STRN: variants seen among roughly 807,000 people sequenced by gnomAD.
STRN encodes striatin.
STRN carries 53 observed loss-of-function variants against 96.3 expected under a neutral mutation model. That is an observed-to-expected ratio of 0.55 (90% CI 0.44 to 0.69). STRN has a LOEUF of 0.69. Among genes scored for constraint, STRN ranks in the 30% least tolerant of loss-of-function variants. The probability of loss-of-function intolerance (pLI) is 0.00; values close to 1 mark genes in which losing one functional copy is unlikely to be tolerated. For synonymous variants in STRN, 428 were observed against 355.9 expected (o/e 1.20, Z -2.28); for missense variants, 987 against 963.9 (o/e 1.02, Z -0.32).
At chr2:36,941,808 C>T (rs1558662809) in intron 1 of STRN, among the ~76,000 whole-genome samples, 1 of 151,950 alleles carries the variant, frequency 6.6e-6, no homozygotes, top group Non-Finnish European at 1.5e-5. Flanking sequence ...CAACCTCGGC[C>T]TCCCAAAGTG....
intron 9 of STRN, among the ~76,000 whole-genome samples, chr2:36,883,122 T>C: frequency 6.6e-6 from 1 of 152,272 alleles, no homozygotes; most frequent in East Asian, 1.9e-4. Flanking sequence ...GAATAATGCA[T>C]ATTTTTATAT....
rs573117939 is a variant in STRN at position 36,891,054 on chromosome 2, C to A, written c.931+2844G>T. On this transcript the variant is annotated intron_variant, in intron 7 of 17. Transcript: ENST00000263918. ...TGTACTATACTGGTTCAGCACCCCC[C>A]AATCCAAAAATCCAAAATCCAAAAT... Among the ~76,000 whole-genome samples, 65 of 152,256 alleles carry A rather than the reference C, an allele frequency of 4.3e-4. No individual in the cohort carries two copies. In the South Asian group the frequency reaches 0.013, roughly 30 times the overall value.
At chr2:36,903,057 G>A in intron 4 of STRN, 1 of 173,362 alleles carries the variant, frequency 5.8e-6, no homozygotes. Context: ...GGCTGGATTG[G>A]AGCTAGACTA....
intron 6 of STRN, among the ~76,000 whole-genome samples, chr2:36,897,572 A>G (rs1424542008): frequency 2.0e-5 from 3 of 151,012 alleles, no homozygotes; most frequent in Non-Finnish European, 2.9e-5. Flanking sequence ...AGTAGCTGGG[A>G]CTACAGGCAC....
intron 9 of STRN, among the ~76,000 whole-genome samples, chr2:36,878,847 G>A (rs1382138008): frequency 1.3e-5 from 2 of 151,870 alleles, no homozygotes; most frequent in African/African-American, 4.8e-5. Context: ...CCACCTCCTG[G>A]GTTCAAGAAA....
chr2:36,940,674 A>T (rs893673703), intron 1 of STRN, among the ~76,000 whole-genome samples: 1 of 151,794 alleles, frequency 6.6e-6, no homozygotes, highest in Non-Finnish European at 1.5e-5. Context: ...AAAAATAAAA[A>T]TAAAAATAAA....
In STRN at chr2:36,844,325, G is replaced by A. The variant is rs1203767800; in HGVS notation, c.*5131C>T. On this transcript the variant is annotated 3_prime_UTR_variant, in exon 18 of 18. Coordinates refer to ENST00000263918, the MANE Select transcript of STRN (RefSeq NM_003162.4). ...GTAGACCAAAGACTTTCTGATTGCT[G>A]ATAATAACAAATTTAGCAGCTCTCT... 6.6e-6 allele frequency: 1 copy of A among 152,074 alleles called. No homozygotes were observed. The highest frequency in any genetic ancestry group is 1.9e-4 in the East Asian group (1 of 5,198). The allele number at this position is 152,074 out of a possible 1,614,324, so 9.4% of individuals were successfully genotyped here.
chr2:36,956,642 G>C (rs964115710), intron 1 of STRN, among the ~76,000 whole-genome samples: 5 of 152,182 alleles, frequency 3.3e-5, no homozygotes, highest in African/African-American at 7.2e-5. Flanking sequence ...ACCTTTCATT[G>C]ACTGCATAGC....
At chr2:36,931,541 C>T (rs185306259) in intron 1 of STRN, among the ~76,000 whole-genome samples, 1 of 152,254 alleles carries the variant, frequency 6.6e-6, no homozygotes, top group Non-Finnish European at 1.5e-5. Context: ...GTTCATTTAA[C>T]AATATTAACT....
intron 1 of STRN, among the ~76,000 whole-genome samples, chr2:36,961,498 T>C (rs989208383): frequency 5.3e-5 from 8 of 152,178 alleles, no homozygotes; most frequent in Non-Finnish European, 1.0e-4. Flanking sequence ...TTAGCACATC[T>C]TGTTGGCTCT....
At chr2:36,939,379 TG>T (rs1670788696) in intron 1 of STRN, among the ~76,000 whole-genome samples, 1 of 151,322 alleles carries the variant, frequency 6.6e-6, no homozygotes, top group South Asian at 2.1e-4. Context: ...TAATTAGACG[TG>T]ATGATAATAT....
chr2:36,855,939 T>C (rs1210012938), intron 14 of STRN, among the ~76,000 whole-genome samples: 1 of 152,024 alleles, frequency 6.6e-6, no homozygotes, highest in Non-Finnish European at 1.5e-5. Context: ...GAAGGAAACA[T>C]ATAAAGTGAA....
At chr2:36,900,930 G>C (rs1383887404) in intron 5 of STRN, among the ~76,000 whole-genome samples, 1 of 150,394 alleles carries the variant, frequency 6.6e-6, no homozygotes, top group Admixed American at 6.6e-5. Context: ...ATTTAGTAAA[G>C]ATTCCAATGG....
chr2:36,955,742 G>C (rs1260218340), intron 1 of STRN, among the ~76,000 whole-genome samples: 1 of 152,124 alleles, frequency 6.6e-6, no homozygotes, highest in African/African-American at 2.4e-5. Flanking sequence ...ACAACTCACT[G>C]TCCTCAAACC....
At chr2:36,882,558 G>A (rs556371230) in intron 9 of STRN, among the ~76,000 whole-genome samples, 2 of 152,110 alleles carry the variant, frequency 1.3e-5, no homozygotes, top group Non-Finnish European at 2.9e-5. Flanking sequence ...CTTGAGCCCA[G>A]GAGTTTGAGA....
chr2:36,890,502 G>C (rs1378775567), intron 7 of STRN, among the ~76,000 whole-genome samples: 1 of 21,898 alleles, frequency 4.6e-5, no homozygotes, highest in Non-Finnish European at 9.0e-5. Context: ...TTTTTTTTTT[G>C]AGACAGAGTC....
chr2:36,849,387 C>T lies in STRN; in HGVS notation c.*69G>A, dbSNP rs979685225. On this transcript the variant is annotated 3_prime_UTR_variant, in exon 18 of 18. Transcript: ENST00000263918. ...GGCAGGACGAGATGATTCTTGCCCT[C>T]GTCTTCTGTATCTCTTGTGTGCAGT... The T allele has an allele frequency of 2.3e-5, 36 of 1,548,120 alleles. No homozygotes were observed. Among genetic ancestry groups the T allele is most frequent in the South Asian group, 3.5e-5 (3 of 85,212 alleles).
At chr2:36,857,730 C>A in intron 14 of STRN, 126 bp downstream of exon 14, 1 of 780,102 alleles carries the variant, frequency 1.3e-6, no homozygotes. Context: ...AACAAATACA[C>A]TTTCGTGGCT....
chr2:36,945,871 C>T (rs1466096733), intron 1 of STRN, among the ~76,000 whole-genome samples: 1 of 152,074 alleles, frequency 6.6e-6, no homozygotes, highest in African/African-American at 2.4e-5. Flanking sequence ...AAACTAGAAA[C>T]ATTTTTAACA....
Sources: allele counts gnomAD v4.1 joint callset (sites outside exome capture counted in the v4.1 genomes callset), GRCh38; gene constraint gnomAD v4.1.1; transcripts MANE v1.5; gene names NCBI Gene and HGNC (gene_info 2026-07-23, HGNC 2026-07-21).